Variants in MECR observed in about 807,000 individuals in gnomAD.
MECR encodes the protein enoyl-[acyl-carrier-protein] reductase, mitochondrial.
A neutral mutation model predicts 49.1 loss-of-function variants in MECR; 37 were observed. The observed-to-expected ratio is 0.75, with a 90% CI of 0.58 to 0.99. MECR has a LOEUF of 0.99. Among genes scored for constraint, MECR ranks in the 50% least tolerant of loss-of-function variants. The probability of loss-of-function intolerance (pLI) is 0.00; values close to 1 mark genes in which losing one functional copy is unlikely to be tolerated. For synonymous variants in MECR, 198 were observed against 191.1 expected (o/e 1.04, Z -0.30); for missense variants, 470 against 479.6 (o/e 0.98, Z 0.19).
At chr1:29,208,895 A>G (rs1231324902) in intron 3 of MECR, among the ~76,000 whole-genome samples, 1 of 152,246 alleles carries the variant, frequency 6.6e-6, no homozygotes, top group African/African-American at 2.4e-5. Context: ...TTCTCTGAGG[A>G]GGTGACAGGC....
At chr1:29,207,248 T>C (rs1676836734) in intron 3 of MECR, among the ~76,000 whole-genome samples, 1 of 151,974 alleles carries the variant, frequency 6.6e-6, no homozygotes, top group South Asian at 2.1e-4. Flanking sequence ...GCCCCCTGAG[T>C]AGCTGGGATT....
chr1:29,229,354 C>T (rs1466698098), intron 1 of MECR, among the ~76,000 whole-genome samples: 1 of 152,094 alleles, frequency 6.6e-6, no homozygotes, highest in Non-Finnish European at 1.5e-5. Context: ...AGGTGCCCAC[C>T]ACCAAGCCCG....
downstream of MECR, among the ~76,000 whole-genome samples, chr1:29,190,073 A>G (rs1673091426): frequency 6.6e-6 from 1 of 152,122 alleles, no homozygotes; most frequent in Non-Finnish European, 1.5e-5. Flanking sequence ...GGCTCCTTTG[A>G]TCTTGCTGTA....
At chr1:29,218,851 T>G (rs1680098225) in intron 1 of MECR, among the ~76,000 whole-genome samples, 1 of 152,190 alleles carries the variant, frequency 6.6e-6, no homozygotes, top group Admixed American at 6.5e-5. Flanking sequence ...TGCTTACCAG[T>G]CAGGCACACT....
rs1489695174 is a variant in MECR at position 29,226,166 on chromosome 1, C to CT, written c.176+4564dup. 1.7e-4 allele frequency among the ~76,000 whole-genome samples: 8 copies of CT among 46,982 alleles called. No homozygotes were observed. The Middle Eastern group carries it at 0.062, about 367-fold the overall frequency. The allele number at this position is 46,982 out of a possible 152,430, so 30.8% of individuals were successfully genotyped here. On this transcript the variant is annotated intron_variant, in intron 1 of 9. Transcript: ENST00000263702. ...CCTGGGGGACAGAGCCAGGCTCTAT[C>CT]TAAAAAAAAAAAAAAAAAAAAAAAA...
chr1:29,201,926 T>C lies in MECR; in HGVS notation c.756+17A>G, dbSNP rs1449978570. 1.3e-6 allele frequency: 2 copies of C among 1,588,078 alleles called. No individual in the cohort carries two copies. Among genetic ancestry groups the C allele is most frequent in the Non-Finnish European group, 1.7e-6 (2 of 1,156,212 alleles). ...ATGTGCGTGGACTGGAGGGGCAATG[T>C]CCCTCTTCCTAGGTACCTTAAAGAA... On this transcript the variant is annotated intron_variant, in intron 6 of 9. Coordinates refer to ENST00000263702, the MANE Select transcript of MECR (RefSeq NM_016011.5). The surrounding 1 kb of genome is among the most constrained non-coding windows in gnomAD (Gnocchi z 4.3).
chr1:29,196,507 G>A (rs943509879), intron 7 of MECR, among the ~76,000 whole-genome samples: 1 of 150,992 alleles, frequency 6.6e-6, no homozygotes, highest in African/African-American at 2.4e-5. Flanking sequence ...GGCAACAAAA[G>A]GAGACCCCAT....
In MECR at chr1:29,216,128, C is replaced by T. The variant is rs755018004; in HGVS notation, c.283G>A (p.Gly95Arg). The change falls in exon 3 of 10, where the codon GGA becomes AGA. Residue 95 changes from glycine (G) to arginine (R), a missense_variant. By Grantham distance (125) the Gly-to-Arg change is moderately radical (BLOSUM62 -2). Transcript: ENST00000263702. ...SDINMIQGNY[G>R]FLPELPAVGG... is the part of the protein sequence containing the mutation. ...ACAGCAGGCAGTTCAGGAAGGAATC[C>T]GTAGTTTCCTGAGGGAGAAGAGCAT... The T allele has an allele frequency of 1.9e-5, 30 of 1,613,518 alleles. No individual in the cohort carries two copies. The highest frequency in any genetic ancestry group is 6.6e-5 in the South Asian group (6 of 91,058).
At chr1:29,214,180 A>G (rs548971577) in intron 3 of MECR, among the ~76,000 whole-genome samples, 1 of 146,884 alleles carries the variant, frequency 6.8e-6, no homozygotes, top group South Asian at 2.2e-4. Flanking sequence ...TCCTGCCTCA[A>G]CTTCCCGAGT....
intron 3 of MECR, among the ~76,000 whole-genome samples, chr1:29,209,311 C>T (rs1049050482): frequency 4.6e-5 from 7 of 152,182 alleles, no homozygotes; most frequent in African/African-American, 1.4e-4. Flanking sequence ...ATTGATTTCT[C>T]GAATGGGTCA....
the MECR span, chr1:29,170,592 A>C: frequency 6.6e-6 from 1 of 152,108 alleles, no homozygotes; most frequent in Non-Finnish European, 1.5e-5. Flanking sequence ...GCCACTCCCT[A>C]TGCTTTTATT....
intron 5 of MECR, among the ~76,000 whole-genome samples, chr1:29,202,923 T>A (rs999306204): frequency 6.6e-6 from 1 of 152,206 alleles, no homozygotes; most frequent in African/African-American, 2.4e-5. Flanking sequence ...TCTTTACATG[T>A]CAGATTCACT....
At chr1:29,167,791 G>A in the MECR span, among the ~76,000 whole-genome samples, 1 of 152,320 alleles carries the variant, frequency 6.6e-6, no homozygotes, top group Admixed American at 6.5e-5. Flanking sequence ...TGGCTATTTA[G>A]CACAGTGCCT....
At chr1:29,176,895 T>A in the MECR span, among the ~76,000 whole-genome samples, 3 of 152,204 alleles carry the variant, frequency 2.0e-5, no homozygotes, top group Non-Finnish European at 4.4e-5. Flanking sequence ...AATCCAAGTT[T>A]CCCTTGAGAG....
chr1:29,187,196 A>C, the MECR span, among the ~76,000 whole-genome samples: 1 of 152,168 alleles, frequency 6.6e-6, no homozygotes, highest in Non-Finnish European at 1.5e-5. Flanking sequence ...CCTGGCACAC[A>C]CAGGTTAACG....
chr1:29,205,728 G>C (rs1251623378), intron 4 of MECR, among the ~76,000 whole-genome samples: 1 of 152,034 alleles, frequency 6.6e-6, no homozygotes, highest in African/African-American at 2.4e-5. Context: ...TACCTGGGAG[G>C]CTGAGGCAGG....
At chr1:29,228,922 C>T (rs530791671) in intron 1 of MECR, 12 of 152,288 alleles carry the variant, frequency 7.9e-5, no homozygotes, top group African/African-American at 2.9e-4. Context: ...AACTACAAGT[C>T]CGTGGGAGAG....
chr1:29,217,924 C>G (rs1465272398), intron 1 of MECR, among the ~76,000 whole-genome samples: 1 of 152,186 alleles, frequency 6.6e-6, no homozygotes, highest in East Asian at 1.9e-4. Context: ...AGAAAAGACC[C>G]TGGGTGGAGG....
At chr1:29,187,150 G>C in the MECR span, among the ~76,000 whole-genome samples, 1 of 152,164 alleles carries the variant, frequency 6.6e-6, no homozygotes, top group African/African-American at 2.4e-5. Context: ...GCATGGGGCT[G>C]GTGGGTGTTC....
Sources: allele counts gnomAD v4.1 joint callset (sites outside exome capture counted in the v4.1 genomes callset), GRCh38; gene constraint gnomAD v4.1.1; non-coding constraint Gnocchi (gnomAD v3.1); transcripts MANE v1.5; gene names NCBI Gene and HGNC (gene_info 2026-07-23, HGNC 2026-07-21).